Variants in CACNB2 observed in about 807,000 individuals in gnomAD.
The protein encoded by CACNB2 is calcium voltage-gated channel auxiliary subunit beta 2.
CACNB2 carries 42 observed loss-of-function variants against 73.3 expected under a neutral mutation model. The observed-to-expected ratio is 0.57, with a 90% confidence interval of 0.45 to 0.74. CACNB2 has a LOEUF of 0.74. CACNB2 is among the 30% of genes least tolerant of loss of function. The pLI is 0.00. For synonymous variants in CACNB2, 348 were observed against 310.3 expected (o/e 1.12, Z -1.28); for missense variants, 940 against 853.0 (o/e 1.10, Z -1.27).
intron 2 of CACNB2, among the ~76,000 whole-genome samples, chr10:18,372,194 G>A (rs1240598927): frequency 1.3e-5 from 2 of 152,136 alleles, no homozygotes; most frequent in African/African-American, 4.8e-5. Context: ...CTGTGCAGAA[G>A]GTCTTTAGTT....
rs930005317 is a variant in CACNB2, at chr10:18,462,781, C to G, written c.334-35574C>G. Among the ~76,000 whole-genome samples, 4 of 151,202 alleles carry G rather than the reference C, an allele frequency of 2.6e-5. No homozygotes were observed. In the East Asian group the frequency reaches 7.8e-4, roughly 29 times the overall value. The stretch of plus-strand genomic sequence containing the variant: ...TATTTTTATTTATTTATTTTTGAGA[C>G]AGAATCTCACTCTGTTGCCCAGGCT... On this transcript the variant is annotated intron_variant, in intron 3 of 13. Transcript: ENST00000324631.
At chr10:18,185,926 T>C (rs1381118779) in intron 2 of CACNB2, among the ~76,000 whole-genome samples, 2 of 151,826 alleles carry the variant, frequency 1.3e-5, no homozygotes, top group East Asian at 1.9e-4. Flanking sequence ...TCAGGGGTGA[T>C]TGGTGGTTTG....
chr10:18,492,545 C>T (rs912899959), intron 3 of CACNB2, among the ~76,000 whole-genome samples: 79 of 137,774 alleles, frequency 5.7e-4, no homozygotes, highest in African/African-American at 2.0e-3. Context: ...CACTTGAACC[C>T]GGGAGGCAGA....
chr10:18,218,965 A>G (rs1204069414), intron 2 of CACNB2, among the ~76,000 whole-genome samples: 1 of 152,198 alleles, frequency 6.6e-6, no homozygotes, highest in African/African-American at 2.4e-5. Flanking sequence ...GGAGTTTAAG[A>G]CCGGCCTGGG....
At chr10:18,340,601 T>C (rs1191956080) in intron 2 of CACNB2, 2 of 1,014,954 alleles carry the variant, frequency 2.0e-6, no homozygotes, top group African/African-American at 1.7e-5. Context: ...TACTGTACTT[T>C]GACAAGTTTG....
At chr10:18,411,448 C>T (rs1024580665) in intron 3 of CACNB2, among the ~76,000 whole-genome samples, 4 of 151,300 alleles carry the variant, frequency 2.6e-5, no homozygotes, top group Non-Finnish European at 5.9e-5. Flanking sequence ...CCAATCACTG[C>T]TCATTATAGA....
intron 3 of CACNB2, among the ~76,000 whole-genome samples, chr10:18,469,278 A>T (rs952403173): frequency 6.6e-6 from 1 of 152,094 alleles, no homozygotes; most frequent in Non-Finnish European, 1.5e-5. Context: ...CTAGTTTGTT[A>T]TATCACCCTT....
At chr10:18,169,673 A>G (rs951025649) in intron 2 of CACNB2, among the ~76,000 whole-genome samples, 1 of 152,100 alleles carries the variant, frequency 6.6e-6, no homozygotes, top group Non-Finnish European at 1.5e-5. Context: ...TTTATTGGGA[A>G]CTCATACTTC....
At chr10:18,392,606 G>A (rs534762088) in intron 2 of CACNB2, among the ~76,000 whole-genome samples, 29 of 152,266 alleles carry the variant, frequency 1.9e-4, no homozygotes, top group African/African-American at 6.5e-4. Context: ...GTCAAGGAAA[G>A]GTTTTCTTAG....
rs564817990 is a variant in CACNB2 at position 18,425,823 on chromosome 10, T to C, written c.333+23780T>C. Among the ~76,000 whole-genome samples, 9 of 152,224 alleles carry C rather than the reference T, an allele frequency of 5.9e-5. No homozygotes were observed. The East Asian group carries it at 1.2e-3, about 19-fold the overall frequency. On this transcript the variant is annotated intron_variant, in intron 3 of 13. Transcript: ENST00000324631. ...ACTGGCTTTTGTATAAGGAGTGAGA[T>C]AGGAATCTGACTTCATGTAGAATAC... is the stretch of plus-strand genomic sequence containing the variant.
chr10:18,225,458 C>A (rs894547724), intron 2 of CACNB2, among the ~76,000 whole-genome samples: 4 of 152,244 alleles, frequency 2.6e-5, no homozygotes, highest in African/African-American at 9.6e-5. Context: ...CAGGACTGAA[C>A]CAGGATTCGT....
At chr10:18,377,753 A>C (rs2042860190) in intron 2 of CACNB2, among the ~76,000 whole-genome samples, 1 of 152,152 alleles carries the variant, frequency 6.6e-6, no homozygotes, top group Non-Finnish European at 1.5e-5. Flanking sequence ...ACCAGCAAAA[A>C]CGTTATGCTT....
chr10:18,453,788 C>T (rs2047131729), intron 3 of CACNB2, among the ~76,000 whole-genome samples: 1 of 152,138 alleles, frequency 6.6e-6, no homozygotes, highest in Non-Finnish European at 1.5e-5. Context: ...CACCACCATG[C>T]CTGGCTAATT....
intron 4 of CACNB2, among the ~76,000 whole-genome samples, chr10:18,499,254 G>A (rs1234576311): frequency 6.6e-6 from 1 of 152,146 alleles, no homozygotes; most frequent in African/African-American, 2.4e-5. Context: ...TATGTCATAG[G>A]AAGTATGTGT....
In CACNB2 at chr10:18,273,027, TC is replaced by T. The variant is rs2038123420; in HGVS notation, c.213+122053del. Among the ~76,000 whole-genome samples the T allele has an allele frequency of 7.2e-5, 11 of 152,178 alleles. No individual in the cohort carries two copies. The South Asian group carries it at 2.1e-3, about 29-fold the overall frequency. Reference sequence around the variant, plus strand: ...TGTTTAATAATCTCTCAATGTGACTTCATTGTGCATCACTATTTTTTGAGGG... The same window carrying T: ...TGTTTAATAATCTCTCAATGTGACTTATTGTGCATCACTATTTTTTGAGGG... On this transcript the variant is annotated intron_variant, in intron 2 of 13. Coordinates refer to ENST00000324631, the MANE Select transcript of CACNB2 (RefSeq NM_201596.3).
At chr10:18,472,238 T>C (rs1354869915) in intron 3 of CACNB2, among the ~76,000 whole-genome samples, 22 of 41,644 alleles carry the variant, frequency 5.3e-4, no homozygotes, top group East Asian at 4.3e-3. Context: ...TTTTTTTTTT[T>C]TTTTTTTTTT....
intron 3 of CACNB2, among the ~76,000 whole-genome samples, chr10:18,418,482 A>G (rs891849086): frequency 2.0e-5 from 3 of 152,238 alleles, no homozygotes; most frequent in Admixed American, 6.5e-5. Flanking sequence ...TTACTTCTAC[A>G]TTTGAGTCCT....
At chr10:18,535,568 C>A (rs560255718) in intron 11 of CACNB2, among the ~76,000 whole-genome samples, 2 of 151,910 alleles carry the variant, frequency 1.3e-5, no homozygotes, top group African/African-American at 2.4e-5. Flanking sequence ...GTCAGGAGAT[C>A]GAGACCATCC....
chr10:18,255,161 A>C (rs149356243), intron 2 of CACNB2, among the ~76,000 whole-genome samples: 29 of 152,260 alleles, frequency 1.9e-4, no homozygotes, highest in African/African-American at 6.7e-4. Context: ...CACTGCTCTT[A>C]GTAGAAAGAG....
Sources: allele counts gnomAD v4.1 joint callset (sites outside exome capture counted in the v4.1 genomes callset), GRCh38; gene constraint gnomAD v4.1.1; transcripts MANE v1.5; gene names NCBI Gene and HGNC (gene_info 2026-07-23, HGNC 2026-07-21).